The following IL1RAPL2 variants were observed in gnomAD, a reference collection of about 807,000 sequenced individuals.
The protein encoded by IL1RAPL2 is X-linked interleukin-1 receptor accessory protein-like 2.
Under a neutral mutation model 44.1 loss-of-function variants are expected in IL1RAPL2, and 3 were observed. That is an observed-to-expected ratio of 0.07 (90% CI 0.03 to 0.18). The LOEUF (loss-of-function observed/expected upper bound fraction) is 0.18, where lower values mean the gene tolerates loss of function less well. Among genes scored for constraint, IL1RAPL2 ranks in the 10% least tolerant of loss-of-function variants. The probability of loss-of-function intolerance (pLI) is 1.00; values close to 1 mark genes in which losing one functional copy is unlikely to be tolerated. For synonymous variants in IL1RAPL2, 181 were observed against 178.8 expected, an observed-to-expected ratio of 1.01 and a Z score of -0.10; for missense variants, 391 against 496.4, an observed-to-expected ratio of 0.79 and a Z score of 2.02.
intron 6 of IL1RAPL2, among the ~76,000 whole-genome samples, chrX:105,567,393 T>C (rs927149160): frequency 1.2e-4 from 13 of 111,846 alleles, no homozygotes; most frequent in African/African-American, 4.2e-4. Flanking sequence ...GGGAGGTATT[T>C]ATATACAAAC....
chrX:104,622,696 T>A (rs1028623296), intron 1 of IL1RAPL2, among the ~76,000 whole-genome samples: 2 of 110,905 alleles, frequency 1.8e-5, no homozygotes, highest in African/African-American at 6.6e-5. Flanking sequence ...GTGAGTCTCA[T>A]TGGCTTACAC....
At chrX:104,691,467 A>G (rs1280232185) in intron 2 of IL1RAPL2, among the ~76,000 whole-genome samples, 1 of 112,267 alleles carries the variant, frequency 8.9e-6, no homozygotes, top group Non-Finnish European at 1.9e-5. Flanking sequence ...TATTTGTTGG[A>G]ATCTTTCTAG....
At chrX:105,122,737 C>T (rs1187612480) in intron 2 of IL1RAPL2, among the ~76,000 whole-genome samples, 1 of 111,813 alleles carries the variant, frequency 8.9e-6, no homozygotes, top group African/African-American at 3.2e-5. Context: ...TTTACTTATG[C>T]AGTCTAGAAA....
chrX:105,049,141 A>G (rs1286912009), intron 2 of IL1RAPL2, among the ~76,000 whole-genome samples: 1 of 107,752 alleles, frequency 9.3e-6, no homozygotes, highest in Non-Finnish European at 1.9e-5. Flanking sequence ...TCATGAGGGT[A>G]GCATTTCTTA....
At chrX:105,217,075 A>G (rs1480136901) in intron 3 of IL1RAPL2, among the ~76,000 whole-genome samples, 1 of 107,670 alleles carries the variant, frequency 9.3e-6, no homozygotes, top group Non-Finnish European at 1.9e-5. Context: ...ACCAAAAGCA[A>G]TGGCAACAAA....
Position 105,540,283 on chromosome X carries a change from A to T in IL1RAPL2, c.772+55896A>T, listed in dbSNP as rs188322339. On this transcript the variant is annotated intron_variant, in intron 6 of 10. Transcript: ENST00000372582. Reference sequence around the variant, plus strand: ...TTACAATAGCAATGACATGGAATCCACCTAGGTGCCTATCAACAGTGGATC... The same window carrying T: ...TTACAATAGCAATGACATGGAATCCTCCTAGGTGCCTATCAACAGTGGATC... Among the ~76,000 whole-genome samples the T allele has an allele frequency of 2.3e-3, 259 of 111,939 alleles. 2 individuals are homozygous for T. Among genetic ancestry groups the T allele is most frequent in the Non-Finnish European group, 2.9e-3 (154 of 53,162 alleles).
At chrX:105,760,965 G>A (rs1191025984) in intron 10 of IL1RAPL2, among the ~76,000 whole-genome samples, 1 of 110,448 alleles carries the variant, frequency 9.1e-6, no homozygotes, top group African/African-American at 3.3e-5. Context: ...GATTTCCTGA[G>A]GTCAGGAGTT....
chrX:104,982,868 G>A (rs1428327898), intron 2 of IL1RAPL2, among the ~76,000 whole-genome samples: 1 of 111,047 alleles, frequency 9.0e-6, no homozygotes, highest in African/African-American at 3.3e-5. Context: ...AATTGTAATT[G>A]CTACTTTTAA....
chrX:104,641,932 G>A (rs1357504506), intron 1 of IL1RAPL2, among the ~76,000 whole-genome samples: 3 of 111,339 alleles, frequency 2.7e-5, no homozygotes, highest in African/African-American at 9.8e-5. Flanking sequence ...AAATGGTGTG[G>A]CACCCAGCAC....
intron 2 of IL1RAPL2, among the ~76,000 whole-genome samples, chrX:104,730,908 C>T (rs1178623850): frequency 1.4e-4 from 16 of 111,243 alleles, no homozygotes; most frequent in Admixed American, 8.6e-4. Context: ...TTTTAATGAT[C>T]ACCATTCTAA....
intron 1 of IL1RAPL2, among the ~76,000 whole-genome samples, chrX:104,599,243 T>A (rs1928825312): frequency 9.0e-6 from 1 of 111,067 alleles, no homozygotes; most frequent in African/African-American, 3.3e-5. Context: ...ACTATTGATT[T>A]TAAATTTTTT....
chrX:104,611,990 T>G (rs1929172727), intron 1 of IL1RAPL2, among the ~76,000 whole-genome samples: 1 of 111,490 alleles, frequency 9.0e-6, no homozygotes, highest in Admixed American at 9.6e-5. Flanking sequence ...GTATGTCTTA[T>G]GAGAAGGATC....
intron 2 of IL1RAPL2, among the ~76,000 whole-genome samples, chrX:104,811,276 TAC>T (rs766544323): frequency 9.0e-6 from 1 of 111,144 alleles, no homozygotes; most frequent in South Asian, 3.7e-4. Flanking sequence ...CAGGTAAAAC[TAC>T]AGAGTTCAAG....
chrX:105,165,582 A>G (rs566065322), intron 2 of IL1RAPL2, among the ~76,000 whole-genome samples: 8 of 112,061 alleles, frequency 7.1e-5, no homozygotes, highest in South Asian at 7.4e-4. Context: ...AGATCCTTCA[A>G]TGGCTCCACA....
chrX:105,498,056 G>A (rs892138503), intron 6 of IL1RAPL2, among the ~76,000 whole-genome samples: 1 of 111,603 alleles, frequency 9.0e-6, no homozygotes. Flanking sequence ...CATTGCCAGA[G>A]CGATCAGGCA....
chrX:105,026,021 A>G (rs1242123128), intron 2 of IL1RAPL2, among the ~76,000 whole-genome samples: 1 of 111,122 alleles, frequency 9.0e-6, no homozygotes, highest in Non-Finnish European at 1.9e-5. Context: ...AGCAAAAAAG[A>G]CAAGAGTTGG....
chrX:104,673,267 T>C (rs1324170590), intron 2 of IL1RAPL2, among the ~76,000 whole-genome samples: 6 of 111,762 alleles, frequency 5.4e-5, no homozygotes, highest in Non-Finnish European at 1.1e-4. Flanking sequence ...GTTGAACTGA[T>C]TTTTGTATAA....
At chrX:105,742,848 C>T (rs1192552274) in intron 8 of IL1RAPL2, among the ~76,000 whole-genome samples, 1 of 111,670 alleles carries the variant, frequency 9.0e-6, no homozygotes, top group Non-Finnish European at 1.9e-5. Context: ...TTGTCCCAAA[C>T]AGGATTCCTA....
intron 3 of IL1RAPL2, among the ~76,000 whole-genome samples, chrX:105,198,244 A>T (rs193098058): frequency 3.5e-4 from 39 of 111,879 alleles, no homozygotes; most frequent in East Asian, 1.4e-3. Flanking sequence ...AATGATTTAC[A>T]TTCCTTTGGG....
Sources: allele counts gnomAD v4.1 joint callset (sites outside exome capture counted in the v4.1 genomes callset), GRCh38; gene constraint gnomAD v4.1.1; transcripts MANE v1.5; gene names NCBI Gene and HGNC (gene_info 2026-07-23, HGNC 2026-07-21).